SOX5: variants seen among roughly 807,000 people sequenced by gnomAD.
SOX5 encodes SRY-box transcription factor 5.
A neutral mutation model predicts 92.0 loss-of-function variants in SOX5; 9 were observed. That is an observed-to-expected ratio of 0.10 (90% confidence interval 0.06 to 0.17). The LOEUF is 0.17. Ranked by LOEUF, SOX5 falls within the 10% of genes least tolerant of loss-of-function variation. SOX5 has a pLI of 1.00. For synonymous variants in SOX5, 344 were observed against 336.3 expected (o/e 1.02, Z -0.25); for missense variants, 642 against 944.5 (o/e 0.68, Z 4.20).
intron 1 of SOX5, among the ~76,000 whole-genome samples, chr12:23,947,266 C>T (rs555827600): frequency 6.6e-6 from 1 of 151,994 alleles, no homozygotes; most frequent in African/African-American, 2.4e-5. Context: ...GGAAATTCAT[C>T]TATAGCAAGT....
chr12:24,445,685 CTTAA>C (rs1941363431), intron 1 of SOX5, among the ~76,000 whole-genome samples: 1 of 152,162 alleles, frequency 6.6e-6, no homozygotes. Flanking sequence ...GAGCTGCTAT[CTTAA>C]TTGATATTAG....
intron 4 of SOX5, among the ~76,000 whole-genome samples, chr12:24,152,514 G>A (rs576762226): frequency 8.5e-5 from 13 of 152,202 alleles, no homozygotes; most frequent in African/African-American, 3.1e-4. Context: ...GTGAAATGGA[G>A]ATACTTTTTG....
chr12:24,029,814 TA>T (rs1321326912), intron 4 of SOX5, among the ~76,000 whole-genome samples: 8 of 152,038 alleles, frequency 5.3e-5, no homozygotes, highest in Non-Finnish European at 1.2e-4. Context: ...ATTATGTTTT[TA>T]ATAGGAGGAC....
chr12:23,888,413 CT>C (rs11331339), intron 2 of SOX5, among the ~76,000 whole-genome samples: 26,993 of 148,590 alleles, frequency 0.18, 3,652 homozygotes, highest in East Asian at 0.7. Flanking sequence ...TCCCATAGCA[CT>C]TTTTTTTTTT....
At chr12:24,220,447 A>AT (rs1384440314) in intron 3 of SOX5, among the ~76,000 whole-genome samples, 3 of 150,772 alleles carry the variant, frequency 2.0e-5, no homozygotes, top group Non-Finnish European at 4.4e-5. Flanking sequence ...AATTACAGGA[A>AT]TTTTTTACTT....
At chr12:24,201,248 T>C (rs887173523) in intron 4 of SOX5, among the ~76,000 whole-genome samples, 3 of 152,188 alleles carry the variant, frequency 2.0e-5, no homozygotes, top group African/African-American at 7.2e-5. Flanking sequence ...CTCCATGTTG[T>C]GCGCTCATGT....
At chr12:24,542,159 C>A (rs1490665850) in intron 1 of SOX5, among the ~76,000 whole-genome samples, 1 of 152,194 alleles carries the variant, frequency 6.6e-6, no homozygotes, top group Non-Finnish European at 1.5e-5. Context: ...CAACCTCAAC[C>A]TTCACAGCCT....
chr12:24,209,074 A>T (rs187193199), intron 4 of SOX5, among the ~76,000 whole-genome samples: 5 of 152,312 alleles, frequency 3.3e-5, no homozygotes, highest in African/African-American at 9.6e-5. Context: ...AGTAAAATTT[A>T]AAAAAAGTTT....
At chr12:24,232,861 A>G (rs1348192917) in intron 3 of SOX5, among the ~76,000 whole-genome samples, 1 of 152,086 alleles carries the variant, frequency 6.6e-6, no homozygotes, top group Non-Finnish European at 1.5e-5. Flanking sequence ...CCGACACTTA[A>G]AAAAAAACTT....
intron 3 of SOX5, among the ~76,000 whole-genome samples, chr12:23,768,672 A>G (rs1261768258): frequency 6.6e-6 from 1 of 152,186 alleles, no homozygotes; most frequent in Admixed American, 6.6e-5. Context: ...TTCCAACTAC[A>G]GTAGCTGCTC....
At chr12:24,185,193 T>C (rs902713684) in intron 4 of SOX5, among the ~76,000 whole-genome samples, 1 of 152,168 alleles carries the variant, frequency 6.6e-6, no homozygotes, top group Non-Finnish European at 1.5e-5. Flanking sequence ...AAAACTCTTC[T>C]GTATGCTTAC....
chr12:23,779,338 A>G (rs2095207642), intron 3 of SOX5, among the ~76,000 whole-genome samples: 1 of 151,042 alleles, frequency 6.6e-6, no homozygotes, highest in Non-Finnish European at 1.5e-5. Context: ...ATGTGATTTT[A>G]CTTCCACTGA....
Position 24,126,659 on chromosome 12 carries a change from C to T in SOX5, c.-2+86684G>A, listed in dbSNP as rs114323266. On this transcript the variant is annotated intron_variant, in intron 4 of 4. Coordinates refer to the SOX5 transcript ENST00000446891. ...TCTCATAATGTAAACCCGACAATTG[C>T]ATTCCCTAGCTAAAATAACTACTTT... 2.6e-3 allele frequency among the ~76,000 whole-genome samples: 393 copies of T among 152,280 alleles called. 2 individuals carry two copies. The highest frequency in any genetic ancestry group is 9.0e-3 in the African/African-American group (372 of 41,560).
chr12:23,548,475 T>C (rs1248999086), intron 11 of SOX5, among the ~76,000 whole-genome samples: 1 of 152,060 alleles, frequency 6.6e-6, no homozygotes, highest in Non-Finnish European at 1.5e-5. Context: ...ATAGTGGAAG[T>C]CAACACAGTA....
chr12:24,150,546 A>C (rs900979641), intron 4 of SOX5, among the ~76,000 whole-genome samples: 3 of 152,160 alleles, frequency 2.0e-5, no homozygotes, highest in Non-Finnish European at 4.4e-5. Flanking sequence ...AAATTACTCA[A>C]AGAAAACTGG....
intron 6 of SOX5, among the ~76,000 whole-genome samples, chr12:23,722,890 C>A (rs1429248947): frequency 6.6e-6 from 1 of 152,100 alleles, no homozygotes; most frequent in Non-Finnish European, 1.5e-5. Context: ...AGCGGAGACA[C>A]CAGCATTTTT....
At chr12:23,938,566 T>A (rs1423028863) in intron 1 of SOX5, among the ~76,000 whole-genome samples, 2 of 151,124 alleles carry the variant, frequency 1.3e-5, no homozygotes, top group Non-Finnish European at 3.0e-5. Flanking sequence ...TTCGTGATTA[T>A]GCAAAAATAA....
intron 1 of SOX5, among the ~76,000 whole-genome samples, chr12:24,487,112 C>G (rs936392063): frequency 6.6e-6 from 1 of 152,168 alleles, no homozygotes; most frequent in Non-Finnish European, 1.5e-5. Context: ...CCAGTGTTCT[C>G]TGTCTCTAAT....
At chr12:24,354,648 A>G (rs1012892556) in intron 2 of SOX5, among the ~76,000 whole-genome samples, 2 of 152,224 alleles carry the variant, frequency 1.3e-5, no homozygotes, top group Non-Finnish European at 2.9e-5. Context: ...TGACAGATGA[A>G]CAATATTTTA....
Sources: gnomAD v4.1 joint callset for allele counts (sites outside exome capture counted in the v4.1 genomes callset) on GRCh38, gnomAD v4.1.1 for gene constraint, MANE v1.5 for transcripts, NCBI Gene and HGNC (gene_info 2026-07-23, HGNC 2026-07-21) for gene names.